C12orf42: variants seen among roughly 807,000 people sequenced by gnomAD.
C12orf42 encodes the protein uncharacterized protein C12orf42.
C12orf42 carries 25 observed loss-of-function variants against 21.6 expected under a neutral mutation model. That is an observed-to-expected ratio of 1.16 (90% CI 0.84 to 1.62). The LOEUF is 1.62. C12orf42 is among the 40% of genes most tolerant of loss of function. C12orf42 has a pLI of 0.00. For synonymous variants in C12orf42, 174 were observed against 175.0 expected (o/e 0.99, Z 0.05); for missense variants, 483 against 459.3 (o/e 1.05, Z -0.47).
intron 4 of C12orf42, among the ~76,000 whole-genome samples, 184 bp from the exon 5 acceptor site, chr12:103,306,529 G>T (rs2038349559): frequency 6.6e-6 from 1 of 152,172 alleles, no homozygotes; most frequent in Non-Finnish European, 1.5e-5. Context: ...GGTCTGGAAA[G>T]GGAGGTAGAG....
At chr12:103,183,429 T>C in the C12orf42 span, among the ~76,000 whole-genome samples, 1 of 152,266 alleles carries the variant, frequency 6.6e-6, no homozygotes, top group Non-Finnish European at 1.5e-5. Flanking sequence ...TTTTCTATTT[T>C]ATTGCTGAGA....
the C12orf42 span, among the ~76,000 whole-genome samples, chr12:103,163,301 A>G: frequency 6.6e-6 from 1 of 152,240 alleles, no homozygotes; most frequent in Non-Finnish European, 1.5e-5. Context: ...TCTAGATCCA[A>G]TCAATGGCAG....
At chr12:103,157,361 T>C in the C12orf42 span, among the ~76,000 whole-genome samples, 5 of 151,732 alleles carry the variant, frequency 3.3e-5, no homozygotes, top group African/African-American at 1.2e-4. Flanking sequence ...TCCTTATAAA[T>C]TCTGGATATT....
intron 4 of C12orf42, among the ~76,000 whole-genome samples, chr12:103,284,272 T>C (rs547687825): frequency 2.1e-4 from 32 of 152,346 alleles, no homozygotes; most frequent in South Asian, 6.2e-4. Flanking sequence ...GAATGTTTTG[T>C]TAACAAGTAG....
the C12orf42 span, among the ~76,000 whole-genome samples, chr12:103,068,933 A>C: frequency 2.2e-5 from 1 of 45,746 alleles, no homozygotes; most frequent in Non-Finnish European, 4.3e-5. Flanking sequence ...CTCTCTCTCC[A>C]CATATATATA....
At chr12:103,063,101 A>G in the C12orf42 span, among the ~76,000 whole-genome samples, 1 of 152,188 alleles carries the variant, frequency 6.6e-6, no homozygotes, top group Non-Finnish European at 1.5e-5. Context: ...TCTATACATA[A>G]TACCTTTGAC....
chr12:103,495,849 T>A (rs1451887016), intron 1 of C12orf42, 53 bp downstream of exon 1: 1 of 152,232 alleles, frequency 6.6e-6, no homozygotes, highest in East Asian at 1.9e-4. Flanking sequence ...GAGCAAACGG[T>A]CCGGCTCTAC....
chr12:103,229,954 T>C, the C12orf42 span, among the ~76,000 whole-genome samples: 1 of 152,188 alleles, frequency 6.6e-6, no homozygotes, highest in Non-Finnish European at 1.5e-5. Context: ...CCATGAAGTT[T>C]GCCAGAGTTC....
At chr12:103,495,472 G>A (rs1317014965) in intron 1 of C12orf42, among the ~76,000 whole-genome samples, 2 of 151,852 alleles carry the variant, frequency 1.3e-5, no homozygotes, top group Admixed American at 1.3e-4. Flanking sequence ...GCGGCGGCGA[G>A]CCGGCCGGGT....
chr12:103,206,826 G>T, the C12orf42 span, among the ~76,000 whole-genome samples: 1 of 152,130 alleles, frequency 6.6e-6, no homozygotes, highest in South Asian at 2.1e-4. Flanking sequence ...ATAATATGAT[G>T]GTCTTGGAAC....
At chr12:103,175,041 C>A in the C12orf42 span, among the ~76,000 whole-genome samples, 34 of 152,238 alleles carry the variant, frequency 2.2e-4, no homozygotes, top group East Asian at 1.7e-3. Flanking sequence ...GATATCCAAC[C>A]AATTTAGATG....
At chr12:103,298,657 G>A (rs987195770), downstream of C12orf42, among the ~76,000 whole-genome samples, 4 of 152,124 alleles carry the variant, frequency 2.6e-5, no homozygotes, top group East Asian at 5.8e-4. Context: ...TAGGAGTGAC[G>A]CTGAGTTCAG....
chr12:103,321,737 T>C (rs1458172545), intron 4 of C12orf42, among the ~76,000 whole-genome samples: 1 of 146,674 alleles, frequency 6.8e-6, no homozygotes, highest in Non-Finnish European at 1.5e-5. Flanking sequence ...AAATTGGAAA[T>C]CATCATTCTC....
At chr12:103,510,781 C>T in the C12orf42 span, among the ~76,000 whole-genome samples, 4 of 152,132 alleles carry the variant, frequency 2.6e-5, no homozygotes, top group African/African-American at 9.7e-5. Flanking sequence ...AATGGGAAAT[C>T]GATGATCTTA....
At chr12:103,527,740 G>A in the C12orf42 span, among the ~76,000 whole-genome samples, 1 of 152,116 alleles carries the variant, frequency 6.6e-6, no homozygotes, top group East Asian at 1.9e-4. Flanking sequence ...ACCACCCATG[G>A]CTAGGATTTC....
At chr12:103,192,663 T>C in the C12orf42 span, among the ~76,000 whole-genome samples, 8 of 152,150 alleles carry the variant, frequency 5.3e-5, no homozygotes, top group Non-Finnish European at 8.8e-5. Flanking sequence ...GGTCATTACA[T>C]AATGATAAAA....
At chr12:103,344,617 T>C (rs979076455) in intron 4 of C12orf42, among the ~76,000 whole-genome samples, 2 of 152,146 alleles carry the variant, frequency 1.3e-5, no homozygotes, top group African/African-American at 4.8e-5. Context: ...CTGGGATTGA[T>C]TGGATCAATT....
downstream of C12orf42, among the ~76,000 whole-genome samples, chr12:103,267,416 C>T (rs1021628849): frequency 5.3e-5 from 8 of 151,986 alleles, no homozygotes; most frequent in African/African-American, 1.7e-4. Context: ...CTGAGAAAAA[C>T]AGACAATTGT....
In C12orf42 at chr12:103,409,568, C is replaced by T. The variant is rs376085675; in HGVS notation, c.79-7893G>A. ...GTTCAATAAGAACATCACTTTGATA[C>T]CCATAAAAAAAACTTGAAAATCTAT... On this transcript the variant is annotated intron_variant, in intron 2 of 5. Transcript: ENST00000548883. Among the ~76,000 whole-genome samples the T allele has an allele frequency of 1.4e-4, 21 of 151,892 alleles. 1 individual carries two copies. The highest frequency in any genetic ancestry group is 5.1e-4 in the African/African-American group (21 of 41,432).
Sources: gnomAD v4.1 joint callset for allele counts (sites outside exome capture counted in the v4.1 genomes callset) on GRCh38, gnomAD v4.1.1 for gene constraint, MANE v1.5 for transcripts, NCBI Gene and HGNC (gene_info 2026-07-23, HGNC 2026-07-21) for gene names.